LRP5: variants seen among roughly 807,000 people sequenced by gnomAD.
LRP5 encodes low-density lipoprotein receptor-related protein 5.
A neutral mutation model predicts 154.1 loss-of-function variants in LRP5; 62 were observed. The ratio of observed to expected loss-of-function variants is 0.40; its 90% CI spans 0.33 to 0.50. The LOEUF (loss-of-function observed/expected upper bound fraction) is 0.50. Among genes scored for constraint, LRP5 ranks in the 20% least tolerant of loss-of-function variants. The pLI, the probability that LRP5 is intolerant of heterozygous loss-of-function variation, is 0.55. For missense variants in LRP5, 1,915 were observed against 2,336.7 expected, an observed-to-expected ratio of 0.82 and a Z score of 3.72; for synonymous variants, 966 against 1,011.5, an observed-to-expected ratio of 0.96 and a Z score of 0.85.
In LRP5 at chr11:68,416,263, C is replaced by T. The variant is rs193116555; in HGVS notation, c.2828-65C>T. On this transcript the variant is annotated intron_variant, in intron 12 of 22. Transcript: ENST00000294304. ...CGCCTGTTGTCGAGTGGCGTGCTAT[C>T]CCGTCCTCCAGCTCCTCTGTGGCTT... is the stretch of plus-strand genomic sequence containing the variant. 73 of 1,432,294 alleles carry T rather than the reference C, an allele frequency of 5.1e-5. 1 individual carries two copies. In the South Asian group the frequency reaches 6.9e-4, roughly 14 times the overall value. 88.7% of individuals were successfully genotyped at this position (1,432,294 alleles called of 1,614,324 possible).
chr11:68,438,406 G>C, intron 19 of LRP5, 40 bp from the exon 20 acceptor site: 1 of 1,575,022 alleles, frequency 6.3e-7, no homozygotes. Flanking sequence ...CATTCCGTTG[G>C]GGTTAATGTT....
In LRP5 at chr11:68,422,948, G is replaced by A. The variant is rs997035557; in HGVS notation, c.3028-541G>A. On this transcript the variant is annotated intron_variant, in intron 13 of 22. Coordinates refer to ENST00000294304, the MANE Select transcript of LRP5 (RefSeq NM_002335.4). ...CCTGGCCTCCTTCCGTTGGGGAAGG[G>A]GTTGTAAGGGGCGGCCCCCAAACTG... Among the ~76,000 whole-genome samples, 20 of 152,184 alleles carry A rather than the reference G, an allele frequency of 1.3e-4. No homozygotes were observed. The Middle Eastern group carries it at 0.01, about 78-fold the overall frequency.
intron 21 of LRP5, among the ~76,000 whole-genome samples, chr11:68,444,504 C>T (rs1019872638): frequency 5.3e-5 from 8 of 151,316 alleles, no homozygotes; most frequent in African/African-American, 1.9e-4. Flanking sequence ...GCAACAAGAG[C>T]GAGACTCAGT....
intron 1 of LRP5, among the ~76,000 whole-genome samples, chr11:68,332,097 G>A (rs1315713965): frequency 2.0e-5 from 3 of 151,648 alleles, no homozygotes; most frequent in South Asian, 2.1e-4. Context: ...CCACTCTCCC[G>A]CCTTCTGCAG....
the LRP5 span, among the ~76,000 whole-genome samples, chr11:68,303,365 C>A: frequency 0.026 from 3,921 of 152,264 alleles, 175 homozygotes; most frequent in African/African-American, 0.09. Context: ...GGAACTGGAG[C>A]AAAGGTCACT....
chr11:68,326,727 C>T (rs79455747), intron 1 of LRP5, among the ~76,000 whole-genome samples: 13,016 of 152,316 alleles, frequency 0.085, 637 homozygotes, highest in Middle Eastern at 0.16. Flanking sequence ...GAGCTCCTGG[C>T]CCTCCAGCTG....
chr11:68,306,338 G>A, the LRP5 span, among the ~76,000 whole-genome samples: 1 of 152,054 alleles, frequency 6.6e-6, no homozygotes, highest in Admixed American at 6.6e-5. Context: ...ATTTCATCAT[G>A]TTGGCCAGGC....
At position 68,406,555 on chromosome 11, in the gene LRP5, G is replaced by C; in HGVS notation, c.1833G>C (p.Gly611=). ...GTNPCADRNG[G]CSHLCFFTPH... is the part of the protein sequence containing the mutation. ...ACCCGTGTGCGGACAGGAACGGGGG[G>C]TGCAGCCACCTGTGCTTCTTCACAC... Residue 611 remains glycine (G), a synonymous_variant, in exon 9 of 23, where the codon GGG becomes GGC. Transcript: ENST00000294304. 1 of 1,614,146 alleles carries C rather than the reference G, an allele frequency of 6.2e-7. No individual in the cohort carries two copies. The highest frequency in any genetic ancestry group is 1.6e-4 in the Middle Eastern group (1 of 6,062).
Position 68,375,454 on chromosome 11 carries a change from C to T in LRP5, c.1015+9752C>T, listed in dbSNP as rs1430714530. ...GAGTGTGGACCTCCCTGCCCCTGCT[C>T]GTGCTGTGCCCACCACCTGGAGCAC... is the stretch of plus-strand genomic sequence containing the variant. On this transcript the variant is annotated intron_variant, in intron 5 of 22. Transcript: ENST00000294304. 3.3e-5 allele frequency among the ~76,000 whole-genome samples: 5 copies of T among 152,206 alleles called. No homozygotes were observed. The South Asian group carries it at 6.2e-4, about 19-fold the overall frequency.
intron 9 of LRP5, among the ~76,000 whole-genome samples, chr11:68,407,406 A>C (rs2098656355): frequency 6.6e-6 from 1 of 151,414 alleles, no homozygotes; most frequent in Non-Finnish European, 1.5e-5. Context: ...TCCTGACCTC[A>C]GGTGATCTGC....
chr11:68,331,203 G>T (rs2098602540), intron 1 of LRP5, among the ~76,000 whole-genome samples: 1 of 152,208 alleles, frequency 6.6e-6, no homozygotes, highest in African/African-American at 2.4e-5. Flanking sequence ...GTGAGTCCGG[G>T]TAAGTGGAGT....
intron 7 of LRP5, among the ~76,000 whole-genome samples, chr11:68,399,005 C>T (rs1037823419): frequency 1.3e-5 from 2 of 152,122 alleles, no homozygotes; most frequent in Non-Finnish European, 2.9e-5. Context: ...GCTCGAGCCA[C>T]GGAGCCCAGC....
chr11:68,388,183 G>A (rs759263017), intron 6 of LRP5, among the ~76,000 whole-genome samples: 1 of 152,132 alleles, frequency 6.6e-6, no homozygotes, highest in African/African-American at 2.4e-5. Flanking sequence ...CCCCGAGGAG[G>A]GTGGATGAGG....
intron 8 of LRP5, chr11:68,404,469 C>T (rs2098654389): frequency 4.0e-6 from 2 of 493,838 alleles, no homozygotes; most frequent in Non-Finnish European, 4.0e-6. Context: ...GATGTCAGAT[C>T]CCCGGCTTTA....
chr11:68,382,602 C>T (rs1405040310), intron 5 of LRP5, among the ~76,000 whole-genome samples: 15 of 152,198 alleles, frequency 9.9e-5, no homozygotes, highest in African/African-American at 3.1e-4. Flanking sequence ...TCCCTAGCAG[C>T]GGGTCCAGGG....
chr11:68,368,262 G>A (rs1221097563), intron 5 of LRP5, among the ~76,000 whole-genome samples: 5 of 152,232 alleles, frequency 3.3e-5, no homozygotes, highest in Non-Finnish European at 7.3e-5. Flanking sequence ...GATGGACATA[G>A]GACAGACCTG....
At chr11:68,367,749 G>A (rs186067231) in intron 5 of LRP5, among the ~76,000 whole-genome samples, 196 of 152,220 alleles carry the variant, frequency 1.3e-3, no homozygotes, top group Admixed American at 2.7e-3. Context: ...GAGAATCACC[G>A]GAATATGGCA....
At position 68,312,743 on chromosome 11, in the gene LRP5, G is replaced by GGCC. The variant is rs1231935129; in HGVS notation, c.32_34dup (p.Pro11dup). ...GAGGCAGCGCCGCCCGGGCCGCCGTGGCCGCTGCTGCTGCTGCTGCTGCTG... is the reference window on the plus strand; with the variant it reads ...GAGGCAGCGCCGCCCGGGCCGCCGTGGCCGCCGCTGCTGCTGCTGCTGCTGCTG... On this transcript the variant is annotated inframe_insertion, in exon 1 of 23. Transcript: ENST00000294304. 3.8e-6 allele frequency: 4 copies of GGCC among 1,060,618 alleles called. No homozygotes were observed. Among genetic ancestry groups the GGCC allele is most frequent in the Non-Finnish European group, 4.6e-6 (4 of 877,752 alleles). 65.7% of individuals were successfully genotyped at this position (1,060,618 alleles called of 1,614,324 possible).
chr11:68,340,100 C>G (rs553963547), intron 1 of LRP5, among the ~76,000 whole-genome samples: 1 of 152,042 alleles, frequency 6.6e-6, no homozygotes, highest in Non-Finnish European at 1.5e-5. Flanking sequence ...ATTAGCTGGG[C>G]GTGGTGGCGT....
Sources: allele counts gnomAD v4.1 joint callset (sites outside exome capture counted in the v4.1 genomes callset), GRCh38; gene constraint gnomAD v4.1.1; transcripts MANE v1.5; gene names NCBI Gene and HGNC (gene_info 2026-07-23, HGNC 2026-07-21).